The following RC3H1 variants were observed in gnomAD, a reference collection of about 807,000 sequenced individuals.
RC3H1 encodes the protein ring finger and CCCH-type domains 1.
In RC3H1, 50 loss-of-function variants were observed where a neutral mutation model predicts 138.2. That is an observed-to-expected ratio of 0.36 (90% CI 0.29 to 0.46). The LOEUF (loss-of-function observed/expected upper bound fraction) is 0.46. RC3H1 is among the 20% of genes least tolerant of loss of function. The pLI is 1.00. For synonymous variants in RC3H1, 462 were observed against 489.1 expected (o/e 0.94, Z 0.73); for missense variants, 1,031 against 1,388.1 (o/e 0.74, Z 4.09).
In RC3H1 at chr1:173,931,206, TAC is replaced by T. The variant is rs1391856522; in HGVS notation, c.*7513_*7514del. ...AGATGGCACACACTCATTTACAAAA[TAC>T]ACACGTTCCTCATTAATTTATCATT... On this transcript the variant is annotated 3_prime_UTR_variant, in exon 20 of 20. Transcript: ENST00000367696. The T allele has an allele frequency of 1.3e-5, 2 of 152,166 alleles. No individual in the cohort carries two copies. The highest frequency in any genetic ancestry group is 4.8e-5 in the African/African-American group (2 of 41,428). The allele number at this position is 152,166 out of a possible 1,614,324, so 9.4% of individuals were successfully genotyped here. A position where few individuals can be genotyped will look rare whatever the true frequency, so the allele number is the denominator to read the frequency against.
At chr1:173,997,946 A>G (rs577373126) in intron 1 of RC3H1, among the ~76,000 whole-genome samples, 39 of 152,166 alleles carry the variant, frequency 2.6e-4, no homozygotes, top group Non-Finnish European at 5.1e-4. Context: ...GCATTCTTCC[A>G]AACATTCTCC....
intron 1 of RC3H1, among the ~76,000 whole-genome samples, chr1:174,017,894 C>T (rs1661891583): frequency 8.3e-6 from 1 of 120,398 alleles, no homozygotes; most frequent in Non-Finnish European, 1.5e-5. Flanking sequence ...ACCACATGTG[C>T]ACAGTAATAA....
chr1:173,974,500 A>C (rs892428035), intron 7 of RC3H1, among the ~76,000 whole-genome samples: 1 of 152,192 alleles, frequency 6.6e-6, no homozygotes, highest in African/African-American at 2.4e-5. Flanking sequence ...AAGGCCCTAT[A>C]ATCAAAGAAT....
chr1:173,982,989 T>G (rs764273621), intron 4 of RC3H1, 87 bp from the exon 5 acceptor site: 4 of 1,231,306 alleles, frequency 3.2e-6, no homozygotes, highest in Non-Finnish European at 4.5e-6. Context: ...TAATCATTTC[T>G]GCAGCTATTC....
intron 2 of RC3H1, 59 bp from the exon 3 acceptor site, chr1:173,984,678 T>C: frequency 6.4e-7 from 1 of 1,564,922 alleles, no homozygotes; most frequent in East Asian, 2.3e-5. Context: ...TTTTATTTAG[T>C]ATAGTTTATG....
rs3220994 is a variant in RC3H1 at position 174,003,385 on chromosome 1, TCACACACACACACACA to T, written c.-150-10266_-150-10251del. Among the ~76,000 whole-genome samples, 8 of 143,326 alleles carry T rather than the reference TCACACACACACACACA, an allele frequency of 5.6e-5. No individual in the cohort carries two copies. The South Asian group carries it at 1.4e-3, about 25-fold the overall frequency. 94.0% of individuals were successfully genotyped at this position (143,326 alleles called of 152,430 possible). On this transcript the variant is annotated intron_variant, in intron 1 of 19. Transcript: ENST00000367696. ...CTGGGCAACAAGAGCAAGACTCCTA[TCACACACACACACACA>T]CACACACACACACACACACGTACGG...
rs1425643602 is a variant in RC3H1, at chr1:173,938,722, T to C, written c.3401A>G (p.Ter1134=). Residue 1134 remains the stop codon, a stop_retained_variant, in exon 20 of 20, where the codon TAA becomes TGA. Transcript: ENST00000367696. ...GATAAAAGTAGGACTCCTCATATTTTAAGGAGCAGAACTGGGAGTAACTCC... is the reference window on the plus strand; with the variant it reads ...GATAAAAGTAGGACTCCTCATATTTCAAGGAGCAGAACTGGGAGTAACTCC... ...RSGVTPSSAP[*] 3.1e-6 allele frequency: 5 copies of C among 1,599,272 alleles called. No individual in the cohort carries two copies. The highest frequency in any genetic ancestry group is 2.2e-5 in the East Asian group (1 of 44,622).
rs1398486638 is a variant in RC3H1 at position 173,965,137 on chromosome 1, G to A, written c.1335-17C>T. 1.7e-5 allele frequency: 26 copies of A among 1,573,592 alleles called. No individual in the cohort carries two copies. The highest frequency in any genetic ancestry group is 2.1e-5 in the Non-Finnish European group (24 of 1,163,878). On this transcript the variant is annotated splice_polypyrimidine_tract_variant and intron_variant, in intron 9 of 19. Coordinates refer to ENST00000367696, the MANE Select transcript of RC3H1 (RefSeq NM_172071.4). ...TTACGAAATCTATATAAAAAGCATA[G>A]GCACATATCAAAAAGCAAATATAAA... is the stretch of plus-strand genomic sequence containing the variant.
chr1:173,997,089 G>T (rs144560278), intron 1 of RC3H1, among the ~76,000 whole-genome samples: 2 of 152,068 alleles, frequency 1.3e-5, no homozygotes, highest in African/African-American at 4.8e-5. Context: ...AATTTAGCTG[G>T]ACATGGGCAC....
chr1:174,021,483 GTTTT>G (rs1249770724), intron 1 of RC3H1, among the ~76,000 whole-genome samples: 1 of 149,918 alleles, frequency 6.7e-6, no homozygotes, highest in African/African-American at 2.4e-5. Context: ...TTGCATTTAA[GTTTT>G]TTGTTTTTTT....
intron 1 of RC3H1, among the ~76,000 whole-genome samples, chr1:174,008,955 C>CG (rs1367282023): frequency 9.8e-5 from 12 of 122,250 alleles, no homozygotes; most frequent in South Asian, 2.7e-4. Flanking sequence ...CCAGCCTAGG[C>CG]AACAGAGTGA....
At position 173,946,982 on chromosome 1, in the gene RC3H1, T is replaced by C. The variant is rs980042439; in HGVS notation, c.2738-146A>G. 12 of 632,628 alleles carry C rather than the reference T, an allele frequency of 1.9e-5. No individual in the cohort carries two copies. In the East Asian group the frequency reaches 3.3e-4, roughly 17 times the overall value. The allele number at this position is 632,628 out of a possible 1,614,324, so 39.2% of individuals were successfully genotyped here. ...CCAGATTTTTAAAATTCTTTAACTT[T>C]GTTTTTCTAAATATCAGGCAGCATG... On this transcript the variant is annotated intron_variant, in intron 15 of 19. Coordinates refer to ENST00000367696, the MANE Select transcript of RC3H1 (RefSeq NM_172071.4).
chr1:173,968,862 T>TC (rs1660230311), intron 9 of RC3H1, among the ~76,000 whole-genome samples: 2 of 149,636 alleles, frequency 1.3e-5, no homozygotes, highest in South Asian at 4.2e-4. Flanking sequence ...TTTGATTTTT[T>TC]TTTTTTTTTT....
chr1:173,995,538 A>C (rs1661440130), intron 1 of RC3H1, among the ~76,000 whole-genome samples: 1 of 151,894 alleles, frequency 6.6e-6, no homozygotes, highest in African/African-American at 2.4e-5. Context: ...CATCTCAAAA[A>C]AAAAAAAAAA....
intron 5 of RC3H1, 76 bp downstream of exon 5, chr1:173,982,651 A>C: frequency 7.6e-7 from 1 of 1,315,962 alleles, no homozygotes; most frequent in African/African-American, 1.5e-5. Flanking sequence ...ACTTTATTAA[A>C]CTCAAAGTTT....
Position 173,963,975 on chromosome 1 carries a change from T to C in RC3H1, c.1829A>G (p.Gln610Arg). ...CAATATAAATTTAAAATCGTTACCC[T>C]GCTGATAAGGTGCTGGTTCAAATGG... ...APPFEPAPYQ[Q>R]GMYYTPPPQC... The change falls in exon 11 of 20, where the codon CAG (glutamine) becomes CGG (arginine). Residue 610 changes from glutamine to arginine, a missense_variant and splice_region_variant. Gln to Arg is a conservative substitution (Grantham distance 43, BLOSUM62 1). Around this residue, in one of 7 missense-constraint regions of RC3H1, gnomAD observed 716 missense variants for 837.9 expected, o/e 0.85. Transcript: ENST00000367696. The C allele has an allele frequency of 1.2e-6, 2 of 1,613,586 alleles. No individual in the cohort carries two copies. The highest frequency in any genetic ancestry group is 2.7e-5 in the African/African-American group (2 of 75,048).
At chr1:173,948,052 T>C (rs1659209082) in intron 14 of RC3H1, among the ~76,000 whole-genome samples, 1 of 152,046 alleles carries the variant, frequency 6.6e-6, no homozygotes, top group African/African-American at 2.4e-5. Context: ...CTAAGAAATA[T>C]ATTTTTAAAA....
rs990264338 is a variant in RC3H1, at chr1:174,022,300, T to C, written c.-355A>G. ...GGCTGCTCCTGCAGCAGGGGCCATC[T>C]TGTTGCTCGGCCTCCTCTTCCTCCT... is the stretch of plus-strand genomic sequence containing the variant. On this transcript the variant is annotated 5_prime_UTR_variant, in exon 1 of 20. Transcript: ENST00000367696. This position sits in a 1 kb window ranked among gnomAD's most constrained non-coding sequence, Gnocchi z 4.2. 5.2e-6 allele frequency: 2 copies of C among 382,724 alleles called. No homozygotes were observed. The highest frequency in any genetic ancestry group is 2.1e-5 in the African/African-American group (1 of 47,962). 23.7% of individuals were successfully genotyped at this position (382,724 alleles called of 1,614,324 possible). A position where few individuals can be genotyped will look rare whatever the true frequency, so the allele number is the denominator to read the frequency against.
chr1:174,021,733 G>T (rs989395036), intron 1 of RC3H1, among the ~76,000 whole-genome samples: 1 of 152,130 alleles, frequency 6.6e-6, no homozygotes, highest in Non-Finnish European at 1.5e-5. Flanking sequence ...GGTCCAAAAA[G>T]CAGTTCCCGT....
Sources: gnomAD v4.1 joint callset for allele counts (sites outside exome capture counted in the v4.1 genomes callset) on GRCh38, gnomAD v4.1.1 for gene constraint, gnomAD v4.1.1 regional missense constraint, Gnocchi (gnomAD v3.1) non-coding constraint, MANE v1.5 for transcripts, NCBI Gene and HGNC (gene_info 2026-07-23, HGNC 2026-07-21) for gene names.